Variants in DOCK8 observed in about 807,000 individuals in gnomAD.
The protein encoded by DOCK8 is dedicator of cytokinesis 8, also known as dedicator of cytokinesis protein 8.
Under a neutral mutation model 245.6 loss-of-function variants are expected in DOCK8, and 141 were observed. The ratio of observed to expected loss-of-function variants is 0.57; its 90% CI spans 0.50 to 0.66. DOCK8 has a LOEUF of 0.66. DOCK8 is among the 30% of genes least tolerant of loss of function. DOCK8 has a pLI of 0.00. For missense variants in DOCK8, 2,965 were observed against 2,603.4 expected (o/e 1.14, Z -3.02); for synonymous variants, 1,168 against 970.2 (o/e 1.20, Z -3.79).
chr9:410,975 G>A (rs79234501), intron 28 of DOCK8, among the ~76,000 whole-genome samples: 3,655 of 152,296 alleles, frequency 0.024, 148 homozygotes, highest in African/African-American at 0.082. Flanking sequence ...TGATAACCTA[G>A]ATTAAATGGA....
intron 23 of DOCK8, 106 bp from the exon 24 acceptor site, chr9:390,365 G>A: frequency 9.7e-7 from 1 of 1,034,264 alleles, no homozygotes; most frequent in Non-Finnish European, 1.5e-6. Flanking sequence ...CATGCTTCAG[G>A]AACGAACAAG....
intron 9 of DOCK8, among the ~76,000 whole-genome samples, 188 bp from the exon 10 acceptor site, chr9:332,210 G>A (rs2051043391): frequency 6.6e-6 from 1 of 151,908 alleles, no homozygotes; most frequent in South Asian, 2.1e-4. Context: ...CTTTTAATAT[G>A]CCTTTATGAT....
At chr9:391,867 G>C (rs1257279826) in intron 24 of DOCK8, among the ~76,000 whole-genome samples, 5 of 145,374 alleles carry the variant, frequency 3.4e-5, no homozygotes, top group African/African-American at 1.3e-4. Context: ...GGCTGGGTGT[G>C]GTGGCTCACA....
chr9:333,213 T>C (rs1266571927), intron 10 of DOCK8, among the ~76,000 whole-genome samples: 1 of 152,202 alleles, frequency 6.6e-6, no homozygotes, highest in African/African-American at 2.4e-5. Flanking sequence ...CTACCATGCA[T>C]TATATATATT....
At chr9:241,546 G>T (rs1440639012) in intron 1 of DOCK8, among the ~76,000 whole-genome samples, 1 of 152,094 alleles carries the variant, frequency 6.6e-6, no homozygotes, top group Admixed American at 6.6e-5. Context: ...CCATATTGCT[G>T]CAAATAACAG....
At position 224,549 on chromosome 9, in the gene DOCK8, A is replaced by G. The variant is rs376066785; in HGVS notation, c.53+9520A>G. On this transcript the variant is annotated intron_variant, in intron 1 of 47. Transcript: ENST00000432829. ...GCCCAGTCCCTCTGCTGCCACGGGT[A>G]GAAATACTTTTTCCTAAATCGCTGC... Among the ~76,000 whole-genome samples, 20 of 152,278 alleles carry G rather than the reference A, an allele frequency of 1.3e-4. No individual in the cohort carries two copies. The South Asian group carries it at 3.7e-3, about 28-fold the overall frequency.
intron 28 of DOCK8, among the ~76,000 whole-genome samples, chr9:407,553 G>C (rs995051210): frequency 6.6e-6 from 1 of 152,138 alleles, no homozygotes; most frequent in Admixed American, 6.5e-5. Flanking sequence ...CACATCCAGG[G>C]CTTCTGAATC....
chr9:461,357 G>A (rs1176685326), intron 46 of DOCK8, among the ~76,000 whole-genome samples: 1 of 151,678 alleles, frequency 6.6e-6, no homozygotes, highest in Non-Finnish European at 1.5e-5. Context: ...ATGTGGGTTG[G>A]ATCTTCCTTA....
chr9:246,130 G>A (rs964989984), intron 1 of DOCK8, among the ~76,000 whole-genome samples: 3 of 151,988 alleles, frequency 2.0e-5, no homozygotes, highest in Non-Finnish European at 4.4e-5. Context: ...AAGGTGGGAG[G>A]ATTGCTTGAG....
chr9:332,109 A>G (rs2051039161), intron 9 of DOCK8, among the ~76,000 whole-genome samples: 1 of 152,232 alleles, frequency 6.6e-6, no homozygotes, highest in South Asian at 2.1e-4. Flanking sequence ...CACATAAGCA[A>G]TGGGAAGAAA....
At chr9:218,729 A>G (rs182283513) in intron 1 of DOCK8, among the ~76,000 whole-genome samples, 5 of 152,360 alleles carry the variant, frequency 3.3e-5, no homozygotes, top group Admixed American at 2.6e-4. Flanking sequence ...AAAGTAAAAT[A>G]AGAACCTTGG....
chr9:332,156 C>G (rs2051041374), intron 9 of DOCK8, among the ~76,000 whole-genome samples: 1 of 152,150 alleles, frequency 6.6e-6, no homozygotes, highest in Admixed American at 6.5e-5. Context: ...AGAAAGTTAA[C>G]TACTATTAAC....
chr9:463,952 TTTTG>T (rs1451446566), intron 47 of DOCK8, among the ~76,000 whole-genome samples: 2 of 152,170 alleles, frequency 1.3e-5, no homozygotes, highest in African/African-American at 4.8e-5. Context: ...GTGTTGGTTT[TTTTG>T]TTTGTTTGGT....
At chr9:351,067 G>A (rs896935481) in intron 14 of DOCK8, among the ~76,000 whole-genome samples, 1 of 152,190 alleles carries the variant, frequency 6.6e-6, no homozygotes, top group East Asian at 1.9e-4. Context: ...GCTGGGTGGT[G>A]GCACCATATG....
intron 14 of DOCK8, among the ~76,000 whole-genome samples, chr9:352,491 C>A (rs1469286371): frequency 6.6e-6 from 1 of 152,096 alleles, no homozygotes; most frequent in East Asian, 1.9e-4. Flanking sequence ...TGCCTGTAAT[C>A]CCTGCACTTT....
intron 39 of DOCK8, among the ~76,000 whole-genome samples, chr9:436,346 A>G (rs977491278): frequency 6.6e-6 from 1 of 152,266 alleles, no homozygotes; most frequent in East Asian, 1.9e-4. Context: ...AGAAGTGTAC[A>G]AGAAAGTTAT....
upstream of DOCK8, chr9:214,720 G>T: frequency 6.5e-7 from 1 of 1,538,864 alleles, no homozygotes; most frequent in Non-Finnish European, 8.7e-7. Context: ...GGCCAGTTCC[G>T]CGCTGGGCCC....
rs1237456300 is a variant in DOCK8, at chr9:441,994, C to A, written c.5475C>A (p.Ile1825=). 1 of 1,613,842 alleles carries A rather than the reference C, an allele frequency of 6.2e-7. No homozygotes were observed. ...CTGCAATTACCAAGCTTCCTGAGATCTCACATAGACTAGAGGTAAGAAAAG... is the reference window on the plus strand; with the variant it reads ...CTGCAATTACCAAGCTTCCTGAGATATCACATAGACTAGAGGTAAGAAAAG... The part of the protein sequence containing the change: ...KEPAITKLPE[I]SHRLEAFYGQ... The change falls in exon 42 of 48, where the codon ATC becomes ATA. Residue 1825 remains isoleucine, a synonymous_variant. Transcript: ENST00000432829.
intron 2 of DOCK8, among the ~76,000 whole-genome samples, chr9:280,423 T>C (rs1324594549): frequency 1.3e-5 from 2 of 152,150 alleles, no homozygotes; most frequent in East Asian, 1.9e-4. Flanking sequence ...CTGTAGGAAA[T>C]CCATATGGAT....
Sources: gnomAD v4.1 joint callset for allele counts (sites outside exome capture counted in the v4.1 genomes callset) on GRCh38, gnomAD v4.1.1 for gene constraint, MANE v1.5 for transcripts, NCBI Gene and HGNC (gene_info 2026-07-23, HGNC 2026-07-21) for gene names.